Variants in MYOZ1 observed in about 807,000 individuals in gnomAD.
The protein encoded by MYOZ1 is myozenin-1.
In MYOZ1, 20 loss-of-function variants were observed where a neutral mutation model predicts 28.7. The observed-to-expected ratio is 0.70, with a 90% CI of 0.49 to 1.01. MYOZ1 has a LOEUF of 1.01. Ranked by LOEUF, MYOZ1 falls within the 50% of genes least tolerant of loss-of-function variation. MYOZ1 has a pLI of 0.00. For missense variants in MYOZ1, 371 were observed against 372.4 expected (o/e 1.00, Z 0.03); for synonymous variants, 144 against 145.8 (o/e 0.99, Z 0.09).
intron 3 of MYOZ1, among the ~76,000 whole-genome samples, chr10:73,637,245 C>A (rs551151231): frequency 6.6e-6 from 1 of 151,654 alleles, no homozygotes; most frequent in Non-Finnish European, 1.5e-5. Flanking sequence ...AAACTCCTGA[C>A]CTCAGGTGAC....
chr10:73,633,787 C>T, intron 5 of MYOZ1, 113 bp downstream of exon 5: 1 of 1,171,820 alleles, frequency 8.5e-7, no homozygotes, highest in African/African-American at 1.6e-5. Flanking sequence ...ACCCCCATAT[C>T]CCTGCCATCT....
rs1396149943 is a variant in MYOZ1 at position 73,640,054 on chromosome 10, AG to A, written c.-18-20del. ...ATTCAGCCTGGACAGGGTGGGAAGG[AG>A]GAGTTGGTGGATGGACAGGGACTGG... On this transcript the variant is annotated intron_variant, in intron 1 of 5. Transcript: ENST00000359322. 5 of 1,599,400 alleles carry A rather than the reference AG, an allele frequency of 3.1e-6. No homozygotes were observed. The highest frequency in any genetic ancestry group is 4.3e-6 in the Non-Finnish European group (5 of 1,167,620).
chr10:73,632,097 A>T lies in MYOZ1; in HGVS notation c.733T>A (p.Phe245Ile). The T allele has an allele frequency of 6.2e-7, 1 of 1,614,214 alleles. No homozygotes were observed. Among genetic ancestry groups the T allele is most frequent in the South Asian group, 1.1e-5 (1 of 91,082 alleles). ...SKRMTFQMPK[F>I]DLGPLLSEPL... ...TCACTCAGCAAGGGCCCCAGGTCAA[A>T]CTTGGGCATCTGGAAGGTCATGCGT... The change falls in exon 6 of 6, where the codon TTT (phenylalanine) becomes ATT (isoleucine). Residue 245 changes from phenylalanine (F) to isoleucine (I), a missense_variant. Phe to Ile is a conservative substitution (Grantham distance 21, BLOSUM62 0). Coordinates refer to ENST00000359322, the MANE Select transcript of MYOZ1 (RefSeq NM_021245.4).
At chr10:73,640,980 G>A (rs994472117) in intron 1 of MYOZ1, among the ~76,000 whole-genome samples, 2 of 152,140 alleles carry the variant, frequency 1.3e-5, no homozygotes, top group African/African-American at 4.8e-5. Flanking sequence ...ATCCCGACAC[G>A]TCAATTCAGC....
chr10:73,632,205 A>C, intron 5 of MYOZ1, 44 bp from the exon 6 acceptor site: 1 of 1,549,624 alleles, frequency 6.5e-7, no homozygotes, highest in Non-Finnish European at 8.9e-7. Context: ...AGAATAAAAG[A>C]AACAGAGCCT....
chr10:73,635,962 TC>T (rs1222675572), intron 3 of MYOZ1, among the ~76,000 whole-genome samples: 2 of 152,100 alleles, frequency 1.3e-5, no homozygotes, highest in African/African-American at 2.4e-5. Flanking sequence ...CTCCTGGCCA[TC>T]CCACCATGTA....
chr10:73,635,131 G>C (rs1359935865), intron 3 of MYOZ1, among the ~76,000 whole-genome samples: 2 of 151,974 alleles, frequency 1.3e-5, no homozygotes, highest in Non-Finnish European at 2.9e-5. Context: ...CTGCACGTTG[G>C]TCCGGCTGGT....
rs574034151 is a variant in MYOZ1 at position 73,631,827 on chromosome 10, C to G, written c.*103G>C. ...TAGATCTCTCCTTTTTCCCTCCATT[C>G]CCATAAGGATACTGGATTAACAATG... On this transcript the variant is annotated 3_prime_UTR_variant, in exon 6 of 6. Coordinates refer to ENST00000359322, the MANE Select transcript of MYOZ1 (RefSeq NM_021245.4). 1 of 1,005,394 alleles carries G rather than the reference C, an allele frequency of 9.9e-7. No homozygotes were observed. The highest frequency in any genetic ancestry group is 2.6e-5 in the East Asian group (1 of 38,638). 62.3% of individuals were successfully genotyped at this position (1,005,394 alleles called of 1,614,324 possible).
chr10:73,639,304 G>A (rs776107793), intron 2 of MYOZ1, among the ~76,000 whole-genome samples: 7 of 151,900 alleles, frequency 4.6e-5, no homozygotes, highest in Non-Finnish European at 8.8e-5. Context: ...TGTACTTTTT[G>A]TAGAGACGAG....
chr10:73,632,142 C>T lies in MYOZ1; in HGVS notation c.688G>A (p.Gly230Arg), dbSNP rs775615695. Residue 230 changes from glycine (G) to arginine (R), a missense_variant, in exon 6 of 6, where the codon GGA becomes AGA. By Grantham distance (125) the Gly-to-Arg change is moderately radical (BLOSUM62 -2). Transcript: ENST00000359322. ...SFNRTAMPYG[G>R]YEKASKRMTF... ...ATGCGTTTGGAGGCCTTCTCATATC[C>T]ACCATAGGGCATTGCCGTCCTGAGA... is the stretch of plus-strand genomic sequence containing the variant. The T allele has an allele frequency of 1.2e-6, 2 of 1,614,006 alleles. No individual in the cohort carries two copies. The highest frequency in any genetic ancestry group is 2.2e-5 in the East Asian group (1 of 44,898).
rs2081657056 is a variant in MYOZ1, at chr10:73,634,746, C to T, written c.253-13G>A. Reference sequence around the variant, plus strand: ...TCTGGAAGTGATCCTGAAAAGAAGACAAAGTGAGGGGAAGGTTAGCAATGG... The same window carrying T: ...TCTGGAAGTGATCCTGAAAAGAAGATAAAGTGAGGGGAAGGTTAGCAATGG... On this transcript the variant is annotated splice_polypyrimidine_tract_variant and intron_variant, in intron 3 of 5. Coordinates refer to ENST00000359322, the MANE Select transcript of MYOZ1 (RefSeq NM_021245.4). 3 of 1,607,620 alleles carry T rather than the reference C, an allele frequency of 1.9e-6. No homozygotes were observed. Among genetic ancestry groups the T allele is most frequent in the Admixed American group, 1.7e-5 (1 of 59,808 alleles).
chr10:73,631,696 CA>C lies in MYOZ1; in HGVS notation c.*233del. The C allele has an allele frequency of 2.0e-6, 1 of 496,328 alleles. No individual in the cohort carries two copies. Among genetic ancestry groups the C allele is most frequent in the Non-Finnish European group, 3.6e-6 (1 of 274,166 alleles). The allele number at this position is 496,328 out of a possible 1,614,324, so 30.7% of individuals were successfully genotyped here. A position where few individuals can be genotyped will look rare whatever the true frequency, so the allele number is the denominator to read the frequency against. ...TTATTGACTGTTACTGGTGGCAGAGCAAATTCCATAAACGAGCAGGTTCCAT... is the reference window on the plus strand; with the variant it reads ...TTATTGACTGTTACTGGTGGCAGAGCAATTCCATAAACGAGCAGGTTCCAT... On this transcript the variant is annotated 3_prime_UTR_variant, in exon 6 of 6. Transcript: ENST00000359322.
At chr10:73,637,015 T>TTC (rs1554958035) in intron 3 of MYOZ1, among the ~76,000 whole-genome samples, 52 of 136,466 alleles carry the variant, frequency 3.8e-4, no homozygotes, top group African/African-American at 1.4e-3. Context: ...TTTTTCTTTC[T>TTC]TTTTTTTTTT....
In MYOZ1 at chr10:73,632,158, C is replaced by G. The variant is rs777071432; in HGVS notation, c.672G>C (p.Thr224=). The G allele has an allele frequency of 6.2e-7, 1 of 1,613,588 alleles. No individual in the cohort carries two copies. ...TCTCATATCCACCATAGGGCATTGCCGTCCTGAGAAGGGGACACATTATTT... is the reference window on the plus strand; with the variant it reads ...TCTCATATCCACCATAGGGCATTGCGGTCCTGAGAAGGGGACACATTATTT... ...ELPKYKSFNR[T]AMPYGGYEKA... Residue 224 remains threonine, a synonymous_variant, in exon 6 of 6, where the codon ACG becomes ACC. Coordinates refer to ENST00000359322, the MANE Select transcript of MYOZ1 (RefSeq NM_021245.4).
At chr10:73,632,610 C>A (rs1263832658) in intron 5 of MYOZ1, among the ~76,000 whole-genome samples, 5 of 148,614 alleles carry the variant, frequency 3.4e-5, no homozygotes, top group Admixed American at 3.3e-4. Context: ...ACTAAAAATA[C>A]AAACACCCCC....
intron 4 of MYOZ1, 40 bp downstream of exon 4, chr10:73,634,444 C>G: frequency 6.2e-7 from 1 of 1,609,106 alleles, no homozygotes; most frequent in Non-Finnish European, 8.5e-7. Flanking sequence ...CAACTCTGCT[C>G]TAGGGACCAA....
Position 73,640,059 on chromosome 10 carries a change from T to C in MYOZ1, c.-18-24A>G, listed in dbSNP as rs745878132. On this transcript the variant is annotated intron_variant, in intron 1 of 5. Transcript: ENST00000359322. The stretch of plus-strand genomic sequence containing the variant: ...GCCTGGACAGGGTGGGAAGGAGGAG[T>C]TGGTGGATGGACAGGGACTGGGAAG... 5 of 1,581,402 alleles carry C rather than the reference T, an allele frequency of 3.2e-6. No homozygotes were observed. The South Asian group carries it at 4.4e-5, about 14-fold the overall frequency.
intron 1 of MYOZ1, among the ~76,000 whole-genome samples, chr10:73,640,967 CA>C (rs1564985890): frequency 6.6e-6 from 1 of 152,100 alleles, no homozygotes. Context: ...AGGGAGCATT[CA>C]AATCCCGACA....
chr10:73,639,401 C>G (rs142081135), intron 2 of MYOZ1, among the ~76,000 whole-genome samples: 4 of 152,200 alleles, frequency 2.6e-5, no homozygotes, highest in Admixed American at 2.6e-4. Context: ...GGATTACAGG[C>G]GTGAGCCACT....
Sources: allele counts gnomAD v4.1 joint callset (sites outside exome capture counted in the v4.1 genomes callset), GRCh38; gene constraint gnomAD v4.1.1; transcripts MANE v1.5; gene names NCBI Gene and HGNC (gene_info 2026-07-23, HGNC 2026-07-21).